Variants in CCDC91 observed in about 807,000 individuals in gnomAD.
CCDC91 encodes coiled-coil domain containing 91.
CCDC91 carries 48 observed loss-of-function variants against 63.2 expected under a neutral mutation model. That is an observed-to-expected ratio of 0.76 (90% CI 0.60 to 0.97). The LOEUF (loss-of-function observed/expected upper bound fraction) is 0.97, where lower values mean the gene tolerates loss of function less well. Among genes scored for constraint, CCDC91 ranks in the 50% least tolerant of loss-of-function variants. The pLI, the probability that CCDC91 is intolerant of heterozygous loss-of-function variation, is 0.00. For missense variants in CCDC91, 500 were observed against 494.6 expected (o/e 1.01, Z -0.10); for synonymous variants, 167 against 165.8 (o/e 1.01, Z -0.06).
At chr12:28,354,846 A>G (rs1298634741) in intron 6 of CCDC91, among the ~76,000 whole-genome samples, 3 of 152,146 alleles carry the variant, frequency 2.0e-5, no homozygotes, top group African/African-American at 4.8e-5. Context: ...TATTGTGTAT[A>G]TATAGGTTAC....
intron 6 of CCDC91, among the ~76,000 whole-genome samples, chr12:28,334,660 A>T (rs1941786259): frequency 6.6e-6 from 1 of 152,124 alleles, no homozygotes; most frequent in Non-Finnish European, 1.5e-5. Context: ...CTTAGGATAC[A>T]TTTTTTTATA....
chr12:28,404,517 T>G lies in CCDC91; in HGVS notation c.762+13106T>G, dbSNP rs1946816839. 2.0e-5 allele frequency among the ~76,000 whole-genome samples: 3 copies of G among 152,134 alleles called. No homozygotes were observed. The South Asian group carries it at 6.2e-4, about 31-fold the overall frequency. ...AGACTTCCTTTATATTGAGTTGATC[T>G]TGGTGTTGTTGAGTTCAGCTACATC... On this transcript the variant is annotated intron_variant, in intron 8 of 12. Transcript: ENST00000536442.
intron 8 of CCDC91, among the ~76,000 whole-genome samples, chr12:28,418,429 A>T (rs1016164134): frequency 2.6e-5 from 4 of 152,152 alleles, no homozygotes; most frequent in Non-Finnish European, 5.9e-5. Flanking sequence ...TGTCTGAAGC[A>T]CAGTAAGGTA....
chr12:28,355,853 T>C (rs951671331), intron 6 of CCDC91, among the ~76,000 whole-genome samples: 2 of 152,160 alleles, frequency 1.3e-5, no homozygotes, highest in Non-Finnish European at 2.9e-5. Flanking sequence ...GCAGCCATTA[T>C]TGGAATAGGA....
At chr12:28,424,275 A>G (rs1353366220) in intron 8 of CCDC91, among the ~76,000 whole-genome samples, 2 of 152,038 alleles carry the variant, frequency 1.3e-5, no homozygotes, top group East Asian at 3.9e-4. Flanking sequence ...TGTGAAACCT[A>G]ATTTTTCCAA....
chr12:28,404,672 C>G (rs1168532392), intron 8 of CCDC91, among the ~76,000 whole-genome samples: 1 of 152,060 alleles, frequency 6.6e-6, no homozygotes, highest in Non-Finnish European at 1.5e-5. Context: ...TTTTGCTGCT[C>G]TGTTATTAGG....
chr12:28,291,058 T>C (rs1466707012), intron 3 of CCDC91, among the ~76,000 whole-genome samples: 1 of 152,184 alleles, frequency 6.6e-6, no homozygotes, highest in Non-Finnish European at 1.5e-5. Flanking sequence ...GACCATGAAT[T>C]TTAAATCATT....
chr12:28,359,240 C>A (rs933604989), intron 6 of CCDC91, among the ~76,000 whole-genome samples: 1 of 151,992 alleles, frequency 6.6e-6, no homozygotes, highest in African/African-American at 2.4e-5. Flanking sequence ...TCAGAGCCAT[C>A]GATATTGAAT....
chr12:28,542,516 A>G (rs144154545), intron 12 of CCDC91, among the ~76,000 whole-genome samples: 1 of 152,088 alleles, frequency 6.6e-6, no homozygotes, highest in African/African-American at 2.4e-5. Context: ...TGAAGTCTTC[A>G]TGGAATGCGA....
At chr12:28,474,857 A>T in intron 11 of CCDC91, among the ~76,000 whole-genome samples, 1 of 152,108 alleles carries the variant, frequency 6.6e-6, no homozygotes, top group East Asian at 1.9e-4. Flanking sequence ...AGAACTCAGA[A>T]TTAAGAAACT....
intron 11 of CCDC91, among the ~76,000 whole-genome samples, chr12:28,482,497 AGAT>A (rs1387760752): frequency 6.6e-6 from 1 of 151,952 alleles, no homozygotes; most frequent in African/African-American, 2.4e-5. Context: ...TTAAAGTGAT[AGAT>A]GATATGATCA....
At chr12:28,314,310 T>C (rs1939622530) in intron 6 of CCDC91, among the ~76,000 whole-genome samples, 1 of 152,068 alleles carries the variant, frequency 6.6e-6, no homozygotes, top group Non-Finnish European at 1.5e-5. Flanking sequence ...TCACAGATTG[T>C]ATTATTTAAG....
At chr12:28,361,165 A>C (rs1943852228) in intron 6 of CCDC91, among the ~76,000 whole-genome samples, 1 of 150,850 alleles carries the variant, frequency 6.6e-6, no homozygotes, top group South Asian at 2.1e-4. Context: ...ATCTTTTTTA[A>C]ATTTTTAAAT....
At chr12:28,349,496 T>C (rs1943039344) in intron 6 of CCDC91, among the ~76,000 whole-genome samples, 1 of 152,204 alleles carries the variant, frequency 6.6e-6, no homozygotes, top group Admixed American at 6.5e-5. Context: ...GCCCTATGCT[T>C]ATAAGGGCCT....
At chr12:28,359,546 G>A (rs910868296) in intron 6 of CCDC91, among the ~76,000 whole-genome samples, 2 of 152,078 alleles carry the variant, frequency 1.3e-5, no homozygotes, top group African/African-American at 4.8e-5. Context: ...TTTAGTAAAG[G>A]TAAACAGATT....
At chr12:28,464,187 A>G (rs1293625610) in intron 11 of CCDC91, among the ~76,000 whole-genome samples, 1 of 152,212 alleles carries the variant, frequency 6.6e-6, no homozygotes, top group African/African-American at 2.4e-5. Context: ...AGCAGTCAGT[A>G]GGAACTTGAG....
chr12:28,498,836 TAAAAC>T (rs1383376989), intron 12 of CCDC91, among the ~76,000 whole-genome samples: 1 of 151,674 alleles, frequency 6.6e-6, no homozygotes, highest in Non-Finnish European at 1.5e-5. Flanking sequence ...TATCAGTAAA[TAAAAC>T]AGACAAAAAT....
At chr12:28,518,226 G>T (rs1431530453) in intron 12 of CCDC91, among the ~76,000 whole-genome samples, 1 of 151,964 alleles carries the variant, frequency 6.6e-6, no homozygotes, top group Non-Finnish European at 1.5e-5. Context: ...TTCCATAGTG[G>T]TTGTACTAGT....
chr12:28,477,400 C>T (rs1262268484), intron 11 of CCDC91, among the ~76,000 whole-genome samples: 2 of 152,134 alleles, frequency 1.3e-5, no homozygotes, highest in Non-Finnish European at 2.9e-5. Context: ...GCAGAAAAGG[C>T]CTTTGACAAA....
Sources: allele counts gnomAD v4.1 joint callset (sites outside exome capture counted in the v4.1 genomes callset), GRCh38; gene constraint gnomAD v4.1.1; transcripts MANE v1.5; gene names NCBI Gene and HGNC (gene_info 2026-07-23, HGNC 2026-07-21).